The following SGCZ variants were observed in gnomAD, a reference collection of about 807,000 sequenced individuals.
SGCZ encodes sarcoglycan zeta.
SGCZ carries 40 observed loss-of-function variants against 41.3 expected under a neutral mutation model. That is an observed-to-expected ratio of 0.97 (90% CI 0.75 to 1.26). SGCZ has a LOEUF of 1.26. SGCZ is among the 50% of genes most tolerant of loss of function. The pLI, the probability that SGCZ is intolerant of heterozygous loss-of-function variation, is 0.00. For missense variants in SGCZ, 552 were observed against 369.8 expected, an observed-to-expected ratio of 1.49 and a Z score of -4.04; for synonymous variants, 206 against 137.5, an observed-to-expected ratio of 1.50 and a Z score of -3.49.
chr8:15,031,429 C>T (rs1409167027), intron 1 of SGCZ, among the ~76,000 whole-genome samples: 1 of 152,086 alleles, frequency 6.6e-6, no homozygotes, highest in Non-Finnish European at 1.5e-5. Context: ...TTGCATTAGG[C>T]TAAGATCCAG....
intron 1 of SGCZ, among the ~76,000 whole-genome samples, chr8:15,174,534 T>C (rs1426907529): frequency 6.6e-6 from 1 of 152,186 alleles, no homozygotes; most frequent in Non-Finnish European, 1.5e-5. Context: ...TAAATATACC[T>C]ATAAAAACAA....
chr8:14,652,194 A>T (rs1409143080), intron 1 of SGCZ, among the ~76,000 whole-genome samples: 1 of 151,726 alleles, frequency 6.6e-6, no homozygotes, highest in Non-Finnish European at 1.5e-5. Flanking sequence ...ATACAAAATT[A>T]GCTGGGCGTG....
chr8:14,151,349 T>C (rs2116952116), intron 5 of SGCZ, among the ~76,000 whole-genome samples: 1 of 152,148 alleles, frequency 6.6e-6, no homozygotes, highest in Non-Finnish European at 1.5e-5. Context: ...ATACTATTTA[T>C]AATCACTTCA....
intron 1 of SGCZ, among the ~76,000 whole-genome samples, chr8:14,765,925 C>T (rs983815875): frequency 6.6e-6 from 1 of 151,054 alleles, no homozygotes; most frequent in African/African-American, 2.4e-5. Flanking sequence ...GTCATTACCA[C>T]ATTTACCAGT....
chr8:14,837,288 G>T (rs1802733038), intron 1 of SGCZ, among the ~76,000 whole-genome samples: 1 of 152,188 alleles, frequency 6.6e-6, no homozygotes, highest in Admixed American at 6.6e-5. Context: ...TCACAATGAA[G>T]AAATGATCCA....
chr8:14,354,263 T>G (rs1319137175), intron 2 of SGCZ, among the ~76,000 whole-genome samples: 1 of 151,964 alleles, frequency 6.6e-6, no homozygotes. Context: ...GAATGACTGA[T>G]TAGTCAGTAC....
chr8:14,198,076 T>G (rs1049495926), intron 4 of SGCZ, among the ~76,000 whole-genome samples: 1 of 152,190 alleles, frequency 6.6e-6, no homozygotes, highest in East Asian at 1.9e-4. Flanking sequence ...CTCACTTAAC[T>G]GTGGTTATTA....
chr8:15,130,056 A>G (rs1303134095), intron 1 of SGCZ, among the ~76,000 whole-genome samples: 1 of 152,180 alleles, frequency 6.6e-6, no homozygotes, highest in African/African-American at 2.4e-5. Context: ...TTCTAATCAG[A>G]ATGAGGCATC....
intron 4 of SGCZ, among the ~76,000 whole-genome samples, chr8:14,197,288 T>A (rs1174968960): frequency 6.6e-6 from 1 of 152,062 alleles, no homozygotes; most frequent in Non-Finnish European, 1.5e-5. Flanking sequence ...ACTTCACAAC[T>A]TATTGTGACA....
intron 5 of SGCZ, among the ~76,000 whole-genome samples, chr8:14,149,849 A>T (rs1035552185): frequency 6.6e-6 from 1 of 152,116 alleles, no homozygotes; most frequent in Non-Finnish European, 1.5e-5. Context: ...ATAAAACATA[A>T]TAAACAACCC....
chr8:14,181,718 T>G (rs143482502), intron 4 of SGCZ, among the ~76,000 whole-genome samples: 152 of 152,300 alleles, frequency 1.0e-3, no homozygotes, highest in Non-Finnish European at 1.8e-3. Context: ...TGCTATGTAA[T>G]ACATCCCTTT....
chr8:15,167,864 A>G (rs112294412), intron 1 of SGCZ, among the ~76,000 whole-genome samples: 1 of 152,194 alleles, frequency 6.6e-6, no homozygotes, highest in African/African-American at 2.4e-5. Flanking sequence ...TGGGTAATGT[A>G]CAAATCCTGA....
At chr8:14,393,217 T>G (rs984198617) in intron 2 of SGCZ, among the ~76,000 whole-genome samples, 1 of 152,166 alleles carries the variant, frequency 6.6e-6, no homozygotes, top group African/African-American at 2.4e-5. Context: ...ATAGTAAATA[T>G]ATGGGAGTCC....
At chr8:15,001,795 G>T (rs538807808) in intron 1 of SGCZ, among the ~76,000 whole-genome samples, 5 of 149,354 alleles carry the variant, frequency 3.3e-5, no homozygotes, top group African/African-American at 1.2e-4. Flanking sequence ...TATTTATTAA[G>T]CACTTTCATG....
intron 7 of SGCZ, among the ~76,000 whole-genome samples, chr8:14,100,763 T>C (rs996018633): frequency 6.6e-6 from 1 of 151,832 alleles, no homozygotes; most frequent in African/African-American, 2.4e-5. Context: ...AATTAATAAC[T>C]GAGATAAAAA....
At chr8:14,726,622 A>C (rs965787801) in intron 1 of SGCZ, among the ~76,000 whole-genome samples, 2 of 151,984 alleles carry the variant, frequency 1.3e-5, no homozygotes, top group South Asian at 4.1e-4. Flanking sequence ...CAATTTTGAG[A>C]AATTATTAAT....
intron 1 of SGCZ, among the ~76,000 whole-genome samples, chr8:14,974,423 C>G (rs1482359208): frequency 6.6e-6 from 1 of 152,068 alleles, no homozygotes; most frequent in African/African-American, 2.4e-5. Flanking sequence ...CCTGCAGCAC[C>G]AAAACTTTCA....
intron 2 of SGCZ, among the ~76,000 whole-genome samples, chr8:14,381,163 T>C (rs530306632): frequency 6.6e-6 from 1 of 152,238 alleles, no homozygotes; most frequent in Non-Finnish European, 1.5e-5. Context: ...TTTAGATATA[T>C]GGATGGCTGT....
chr8:14,947,905 C>G (rs570931160), intron 1 of SGCZ, among the ~76,000 whole-genome samples: 1 of 152,120 alleles, frequency 6.6e-6, no homozygotes, highest in Admixed American at 6.6e-5. Context: ...TTTTTGAAAT[C>G]TGATGATGTG....
Sources: gnomAD v4.1 joint callset for allele counts (sites outside exome capture counted in the v4.1 genomes callset) on GRCh38, gnomAD v4.1.1 for gene constraint, MANE v1.5 for transcripts, NCBI Gene and HGNC (gene_info 2026-07-23, HGNC 2026-07-21) for gene names.